LAMA1: variants seen among roughly 807,000 people sequenced by gnomAD.
The protein encoded by LAMA1 is laminin subunit alpha-1.
LAMA1 carries 219 observed loss-of-function variants against 348.7 expected under a neutral mutation model. The ratio of observed to expected loss-of-function variants is 0.63; its 90% CI spans 0.56 to 0.70. The LOEUF is 0.70. Ranked by LOEUF, LAMA1 falls within the 30% of genes least tolerant of loss-of-function variation. LAMA1 has a pLI of 0.00. For synonymous variants in LAMA1, 1,487 were observed against 1,491.0 expected (o/e 1.00, Z 0.06); for missense variants, 3,744 against 3,888.0 (o/e 0.96, Z 0.99).
At chr18:7,004,247 A>G (rs2057821910) in intron 29 of LAMA1, among the ~76,000 whole-genome samples, 1 of 152,200 alleles carries the variant, frequency 6.6e-6, no homozygotes. Context: ...GTTCAGTCGT[A>G]TCTCCCAGAA....
At chr18:7,017,997 A>G (rs1401698381) in intron 19 of LAMA1, among the ~76,000 whole-genome samples, 2 of 152,168 alleles carry the variant, frequency 1.3e-5, no homozygotes, top group African/African-American at 4.8e-5. Context: ...AATATATTTA[A>G]TCAATATTCA....
At chr18:6,961,031 A>G (rs934285645) in intron 53 of LAMA1, among the ~76,000 whole-genome samples, 1 of 152,228 alleles carries the variant, frequency 6.6e-6, no homozygotes, top group Non-Finnish European at 1.5e-5. Context: ...AAATTATGTG[A>G]TAGACACAAA....
At chr18:6,959,758 A>G (rs1049484393) in intron 53 of LAMA1, 1 of 429,020 alleles carries the variant, frequency 2.3e-6, no homozygotes, top group African/African-American at 2.0e-5. Context: ...GTTTATTGCT[A>G]CATTAGATAC....
intron 44 of LAMA1, 71 bp from the exon 45 acceptor site, chr18:6,976,151 A>C: frequency 2.7e-6 from 4 of 1,465,538 alleles, no homozygotes; most frequent in Non-Finnish European, 3.8e-6. Flanking sequence ...CAGCTCAACA[A>C]TGCTATTCTG....
At chr18:6,980,171 G>A (rs1480091570) in intron 42 of LAMA1, among the ~76,000 whole-genome samples, 1 of 152,140 alleles carries the variant, frequency 6.6e-6, no homozygotes, top group Non-Finnish European at 1.5e-5. Context: ...TTCCCCTTAG[G>A]CAGGTAAAGC....
At chr18:7,003,256 T>G (rs904101648) in intron 29 of LAMA1, among the ~76,000 whole-genome samples, 9 of 60,362 alleles carry the variant, frequency 1.5e-4, no homozygotes, top group Middle Eastern at 7.7e-3. Flanking sequence ...ATTTTGGTTG[T>G]TTTTTTTTTT....
chr18:6,998,730 A>G (rs2057793847), intron 32 of LAMA1, among the ~76,000 whole-genome samples: 3 of 152,288 alleles, frequency 2.0e-5, no homozygotes, highest in South Asian at 4.1e-4. Context: ...CTGGAAAAAA[A>G]GTTTACAAAA....
intron 19 of LAMA1, among the ~76,000 whole-genome samples, chr18:7,018,898 T>C (rs897077526): frequency 6.6e-6 from 1 of 152,110 alleles, no homozygotes; most frequent in Non-Finnish European, 1.5e-5. Flanking sequence ...GCCTCCTTCA[T>C]GATCTAGGCC....
At chr18:7,020,673 A>T (rs1190277808) in intron 19 of LAMA1, among the ~76,000 whole-genome samples, 3 of 152,158 alleles carry the variant, frequency 2.0e-5, no homozygotes, top group African/African-American at 7.2e-5. Flanking sequence ...CCCAAACCCC[A>T]GCTGCTCTAA....
chr18:7,040,699 C>T (rs1047688364), intron 9 of LAMA1, among the ~76,000 whole-genome samples: 47 of 152,250 alleles, frequency 3.1e-4, no homozygotes, highest in African/African-American at 1.1e-3. Flanking sequence ...CACAAAAGTC[C>T]CTAGTAGCAT....
chr18:6,980,789 C>T, intron 41 of LAMA1, 152 bp from the exon 42 acceptor site: 1 of 623,886 alleles, frequency 1.6e-6, no homozygotes, highest in Admixed American at 2.6e-5. Flanking sequence ...CTGAGCACCA[C>T]TCATTATAGA....
In LAMA1 at chr18:7,098,739, G is replaced by A. The variant is rs563644884; in HGVS notation, c.62-18282C>T. ...AGGTGGGGGGGTCAGCCCCCCGCCC[G>A]GCCAGCCACCCCGTCCAGGAGGTGA... is the stretch of plus-strand genomic sequence containing the variant. On this transcript the variant is annotated intron_variant, in intron 1 of 62. Coordinates refer to ENST00000389658, the MANE Select transcript of LAMA1 (RefSeq NM_005559.4). 8.4e-3 allele frequency among the ~76,000 whole-genome samples: 1,148 copies of A among 135,998 alleles called. 1 individual carries two copies. The highest frequency in any genetic ancestry group is 0.012 in the Non-Finnish European group (744 of 60,900). The allele number at this position is 135,998 out of a possible 152,430, so 89.2% of individuals were successfully genotyped here.
chr18:6,972,064 C>T, intron 47 of LAMA1, 83 bp from the exon 48 acceptor site: 1 of 1,547,328 alleles, frequency 6.5e-7, no homozygotes, highest in Non-Finnish European at 8.8e-7. Context: ...AAACTTCTCT[C>T]TGGGAGCTTC....
chr18:7,045,651 C>T (rs577888825), intron 6 of LAMA1, among the ~76,000 whole-genome samples: 4 of 152,144 alleles, frequency 2.6e-5, no homozygotes, highest in South Asian at 4.2e-4. Flanking sequence ...CTCCACCTCC[C>T]GAGTTCAAGC....
chr18:6,991,085 A>G (rs142604015), intron 36 of LAMA1, among the ~76,000 whole-genome samples: 1 of 152,114 alleles, frequency 6.6e-6, no homozygotes, highest in African/African-American at 2.4e-5. Flanking sequence ...CCCCCTGCGC[A>G]AGGCCTTTAG....
intron 56 of LAMA1, chr18:6,956,405 C>T (rs776200781): frequency 1.6e-5 from 11 of 689,168 alleles, no homozygotes; most frequent in African/African-American, 3.5e-5. Flanking sequence ...CAGCCCAATG[C>T]GCGGCCTGGG....
At chr18:6,981,162 TTTGC>T (rs1259006442) in intron 41 of LAMA1, among the ~76,000 whole-genome samples, 3 of 152,164 alleles carry the variant, frequency 2.0e-5, no homozygotes, top group Admixed American at 6.5e-5. Context: ...TTTTCTCTAC[TTTGC>T]TTGTTGACTT....
At chr18:7,060,202 C>A (rs1339105175) in intron 3 of LAMA1, among the ~76,000 whole-genome samples, 1 of 152,320 alleles carries the variant, frequency 6.6e-6, no homozygotes, top group African/African-American at 2.4e-5. Context: ...AGAGCAATTA[C>A]TTGAAATGTC....
In LAMA1 at chr18:6,985,716, A is replaced by G. The variant is rs556815973; in HGVS notation, c.5380-73T>C. 179 of 918,832 alleles carry G rather than the reference A, an allele frequency of 1.9e-4. 1 individual carries two copies. The East Asian group carries it at 4.2e-3, about 22-fold the overall frequency. 56.9% of individuals were successfully genotyped at this position (918,832 alleles called of 1,614,324 possible). A position where few individuals can be genotyped will look rare whatever the true frequency, so the allele number is the denominator to read the frequency against. On this transcript the variant is annotated intron_variant, in intron 37 of 62. Coordinates refer to ENST00000389658, the MANE Select transcript of LAMA1 (RefSeq NM_005559.4). ...CTTCTGACCTTTGGTGCCTAATGCT[A>G]CGTGCAGAAGTTAGTGCATGGGACT...
Sources: gnomAD v4.1 joint callset for allele counts (sites outside exome capture counted in the v4.1 genomes callset) on GRCh38, gnomAD v4.1.1 for gene constraint, MANE v1.5 for transcripts, NCBI Gene and HGNC (gene_info 2026-07-23, HGNC 2026-07-21) for gene names.